ACSL3: variants seen among roughly 807,000 people sequenced by gnomAD.
ACSL3 encodes the protein fatty acid CoA ligase Acsl3.
A neutral mutation model predicts 84.7 loss-of-function variants in ACSL3; 34 were observed. That is an observed-to-expected ratio of 0.40 (90% CI 0.31 to 0.53). ACSL3 has a LOEUF of 0.53. Among genes scored for constraint, ACSL3 ranks in the 20% least tolerant of loss-of-function variants. The probability of loss-of-function intolerance (pLI) is 0.48; values close to 1 mark genes in which losing one functional copy is unlikely to be tolerated. For missense variants in ACSL3, 680 were observed against 873.1 expected, an observed-to-expected ratio of 0.78 and a Z score of 2.79; for synonymous variants, 315 against 299.4, an observed-to-expected ratio of 1.05 and a Z score of -0.54.
chr2:222,916,301 T>A lies in ACSL3; in HGVS notation c.379-18T>A, dbSNP rs554850963. 1,087 of 1,349,816 alleles carry A rather than the reference T, an allele frequency of 8.1e-4. 5 individuals are homozygous for A. In the African/African-American group the frequency reaches 0.017, roughly 21 times the overall value. The allele number at this position is 1,349,816 out of a possible 1,614,324, so 83.6% of individuals were successfully genotyped here. A position where few individuals can be genotyped will look rare whatever the true frequency, so the allele number is the denominator to read the frequency against. ...ATTATTTTGATTACATTAAAAAAAT[T>A]TTTTTTTGTTTTATCAGGTTATTCT... On this transcript the variant is annotated intron_variant, in intron 4 of 16. Transcript: ENST00000357430.
chr2:222,889,736 G>C (rs749059152), intron 2 of ACSL3, among the ~76,000 whole-genome samples: 17 of 152,202 alleles, frequency 1.1e-4, no homozygotes, highest in Non-Finnish European at 1.8e-4. Context: ...AGCTGGGCCA[G>C]ATGTTTCTCA....
At chr2:222,898,072 C>T (rs1696033011) in intron 2 of ACSL3, among the ~76,000 whole-genome samples, 1 of 152,162 alleles carries the variant, frequency 6.6e-6, no homozygotes, top group Non-Finnish European at 1.5e-5. Flanking sequence ...CAGTGGAGAC[C>T]TTCACATTAT....
chr2:222,874,753 A>G (rs1695403154), intron 1 of ACSL3, among the ~76,000 whole-genome samples: 1 of 152,188 alleles, frequency 6.6e-6, no homozygotes, highest in Non-Finnish European at 1.5e-5. Flanking sequence ...AATAAAAAGC[A>G]ATAATTTTGC....
chr2:222,926,903 G>A (rs755003425), intron 11 of ACSL3, 114 bp from the exon 12 acceptor site: 4 of 1,193,246 alleles, frequency 3.4e-6, no homozygotes, highest in Non-Finnish European at 4.6e-6. Flanking sequence ...TGTGACCTTG[G>A]ATAAGTAACT....
At chr2:222,922,373 T>A (rs1696763030) in intron 8 of ACSL3, among the ~76,000 whole-genome samples, 1 of 152,224 alleles carries the variant, frequency 6.6e-6, no homozygotes, top group South Asian at 2.1e-4. Context: ...ATTATTTGTT[T>A]AAGCCACTGT....
intron 1 of ACSL3, among the ~76,000 whole-genome samples, chr2:222,864,710 G>T (rs1695095783): frequency 6.6e-6 from 1 of 152,174 alleles, no homozygotes; most frequent in Non-Finnish European, 1.5e-5. Flanking sequence ...ATGCTGATGG[G>T]AAGGCTCAGT....
chr2:222,895,053 C>G (rs905529538), intron 2 of ACSL3, among the ~76,000 whole-genome samples: 2 of 152,098 alleles, frequency 1.3e-5, no homozygotes, highest in Non-Finnish European at 2.9e-5. Context: ...ACTACTCTGT[C>G]GTGATTCTTA....
At position 222,908,987 on chromosome 2, in the gene ACSL3, A is replaced by C. The variant is rs970117406; in HGVS notation, c.215A>C (p.Asn72Thr). The C allele has an allele frequency of 1.9e-6, 3 of 1,613,862 alleles. No homozygotes were observed. The highest frequency in any genetic ancestry group is 2.5e-6 in the Non-Finnish European group (3 of 1,179,908). The part of the protein sequence containing the change: ...SKPDSAYRSV[N>T]SLDGLASVLY... ...CCTGATTCTGCATACAGATCTGTTAATAGTTTGGATGGTTTGGCTTCAGTA... is the reference window on the plus strand; with the variant it reads ...CCTGATTCTGCATACAGATCTGTTACTAGTTTGGATGGTTTGGCTTCAGTA... Residue 72 changes from asparagine (N) to threonine (T), a missense_variant, in exon 4 of 17, where the codon AAT becomes ACT. Transcript: ENST00000357430.
In ACSL3 at chr2:222,908,961, A is replaced by G; in HGVS notation, c.189A>G (p.Lys63=). ...NRIKAKPVNS[K]PDSAYRSVNS... is the part of the protein sequence containing the mutation. ...TTAAAGCAAAGCCTGTAAATTCAAAACCTGATTCTGCATACAGATCTGTTA... is the reference window on the plus strand; with the variant it reads ...TTAAAGCAAAGCCTGTAAATTCAAAGCCTGATTCTGCATACAGATCTGTTA... The change falls in exon 4 of 17, where the codon AAA becomes AAG. Residue 63 remains lysine, a synonymous_variant. Coordinates refer to ENST00000357430, the MANE Select transcript of ACSL3 (RefSeq NM_004457.5). 1 of 1,613,590 alleles carries G rather than the reference A, an allele frequency of 6.2e-7. No individual in the cohort carries two copies. Among genetic ancestry groups the G allele is most frequent in the Non-Finnish European group, 8.5e-7 (1 of 1,179,824 alleles).
intron 1 of ACSL3, among the ~76,000 whole-genome samples, chr2:222,872,702 G>A (rs1408151965): frequency 1.3e-5 from 2 of 152,116 alleles, no homozygotes; most frequent in African/African-American, 2.4e-5. Context: ...GGTGCCGAGG[G>A]TGGGGAACCA....
chr2:222,929,641 G>A (rs1475019782), intron 13 of ACSL3, among the ~76,000 whole-genome samples: 1 of 151,996 alleles, frequency 6.6e-6, no homozygotes, highest in Non-Finnish European at 1.5e-5. Flanking sequence ...AGCCAGGCGT[G>A]GTGGTGCGTG....
rs183504606 is a variant in ACSL3, at chr2:222,935,929, C to A, written c.2005+1242C>A. Among the ~76,000 whole-genome samples, 715 of 152,186 alleles carry A rather than the reference C, an allele frequency of 4.7e-3. 2 individuals are homozygous for A. The highest frequency in any genetic ancestry group is 7.9e-3 in the Non-Finnish European group (536 of 68,006). On this transcript the variant is annotated intron_variant, in intron 16 of 16. Transcript: ENST00000357430. The stretch of plus-strand genomic sequence containing the variant: ...TACCCATTACACTAATTCCCCTTCC[C>A]TCTCTCCCCCTTCCCTCCACCTTTT...
intron 7 of ACSL3, chr2:222,920,955 C>T (rs1260289098): frequency 6.1e-6 from 3 of 491,656 alleles, no homozygotes; most frequent in Admixed American, 2.3e-5. Flanking sequence ...CCCTTCCTCA[C>T]TTTATTCAGG....
At chr2:222,873,351 T>C (rs1574516925) in intron 1 of ACSL3, among the ~76,000 whole-genome samples, 1 of 152,344 alleles carries the variant, frequency 6.6e-6, no homozygotes, top group African/African-American at 2.4e-5. Context: ...GAGTTGTATG[T>C]TTTGAACAGA....
At chr2:222,935,235 G>T (rs1282072314) in intron 16 of ACSL3, among the ~76,000 whole-genome samples, 2 of 151,930 alleles carry the variant, frequency 1.3e-5, no homozygotes, top group Non-Finnish European at 2.9e-5. Context: ...TCTGTTGCCC[G>T]AACCAGAATG....
intron 1 of ACSL3, among the ~76,000 whole-genome samples, chr2:222,874,804 G>T (rs1392288234): frequency 6.6e-6 from 1 of 151,972 alleles, no homozygotes; most frequent in Non-Finnish European, 1.5e-5. Flanking sequence ...AGAAAGAATA[G>T]AAATTTTATA....
intron 4 of ACSL3, among the ~76,000 whole-genome samples, chr2:222,911,741 G>T (rs2106120212): frequency 6.6e-6 from 1 of 152,180 alleles, no homozygotes; most frequent in East Asian, 1.9e-4. Flanking sequence ...CAGTATAACT[G>T]GACAAAATAA....
intron 3 of ACSL3, among the ~76,000 whole-genome samples, chr2:222,906,756 A>G (rs1696303929): frequency 6.6e-6 from 1 of 152,086 alleles, no homozygotes; most frequent in Admixed American, 6.5e-5. Flanking sequence ...CTGGGACTAC[A>G]GGCGTGTACC....
chr2:222,938,626 TC>T (rs1293042052), intron 16 of ACSL3, among the ~76,000 whole-genome samples: 1 of 152,120 alleles, frequency 6.6e-6, no homozygotes, highest in Non-Finnish European at 1.5e-5. Flanking sequence ...GTAGTTCTCT[TC>T]CTAGTGGAGT....
Sources: gnomAD v4.1 joint callset for allele counts (sites outside exome capture counted in the v4.1 genomes callset) on GRCh38, gnomAD v4.1.1 for gene constraint, MANE v1.5 for transcripts, NCBI Gene and HGNC (gene_info 2026-07-23, HGNC 2026-07-21) for gene names.